HDAC9: variants seen among roughly 807,000 people sequenced by gnomAD.
HDAC9 encodes the protein histone deacetylase 9, also known as MEF-2 interacting transcription repressor (MITR) protein.
Under a neutral mutation model 139.4 loss-of-function variants are expected in HDAC9, and 41 were observed. The ratio of observed to expected loss-of-function variants is 0.29; its 90% CI spans 0.23 to 0.38. HDAC9 has a LOEUF of 0.38. HDAC9 is among the 10% of genes least tolerant of loss of function. HDAC9 has a pLI of 1.00. For missense variants in HDAC9, 1,147 were observed against 1,297.0 expected (o/e 0.88, Z 1.78); for synonymous variants, 517 against 476.2 (o/e 1.09, Z -1.12).
At chr7:18,157,803 A>C (rs13312026) in intron 1 of HDAC9, among the ~76,000 whole-genome samples, 1 of 68,890 alleles carries the variant, frequency 1.5e-5, no homozygotes. Flanking sequence ...GTTCTAAGGC[A>C]TGAGAGAGAG....
At position 18,266,043 on chromosome 7, in the gene HDAC9, G is replaced by T. The variant is rs71524239; in HGVS notation, c.25+103694G>T. ...ACATTAAAATTTGTTGGTCTATCTT[G>T]CACTTTGAATGGGCTTTTTAACCAT... On this transcript the variant is annotated intron_variant, in intron 2 of 12. Coordinates refer to the HDAC9 transcript ENST00000417496. Among the ~76,000 whole-genome samples, 1,203 of 152,136 alleles carry T rather than the reference G, an allele frequency of 7.9e-3. 5 individuals are homozygous for T. The highest frequency in any genetic ancestry group is 0.014 in the Non-Finnish European group (931 of 67,956).
intron 11 of HDAC9, among the ~76,000 whole-genome samples, chr7:18,658,899 CAAAAA>C (rs11306117): frequency 8.5e-6 from 1 of 118,158 alleles, no homozygotes; most frequent in African/African-American, 2.8e-5. Flanking sequence ...AAAAAAAAAG[CAAAAA>C]AAAAAAAAAC....
chr7:18,615,530 A>G (rs1038959729), intron 6 of HDAC9, among the ~76,000 whole-genome samples: 2 of 152,226 alleles, frequency 1.3e-5, no homozygotes, highest in African/African-American at 4.8e-5. Flanking sequence ...GAAATAAATT[A>G]TACTTTTTGT....
intron 2 of HDAC9, among the ~76,000 whole-genome samples, chr7:18,236,123 A>G (rs1013189569): frequency 2.0e-5 from 3 of 152,174 alleles, no homozygotes; most frequent in Non-Finnish European, 4.4e-5. Flanking sequence ...AAGACCAATG[A>G]GGAGCTAATG....
At chr7:18,474,849 G>C (rs907315090) in intron 1 of HDAC9, among the ~76,000 whole-genome samples, 3 of 152,014 alleles carry the variant, frequency 2.0e-5, no homozygotes, top group Non-Finnish European at 4.4e-5. Flanking sequence ...GAGGAGAAGG[G>C]TGGAAAGGGG....
At chr7:18,450,412 G>A (rs186579488) in intron 1 of HDAC9, among the ~76,000 whole-genome samples, 2 of 152,218 alleles carry the variant, frequency 1.3e-5, no homozygotes, top group East Asian at 3.9e-4. Flanking sequence ...TTTGGCAAAG[G>A]GTAGACAAGG....
At chr7:18,394,456 A>G (rs758527265) in intron 1 of HDAC9, among the ~76,000 whole-genome samples, 4 of 152,092 alleles carry the variant, frequency 2.6e-5, no homozygotes, top group Non-Finnish European at 5.9e-5. Flanking sequence ...TACACTTCCT[A>G]GGAGTGCTTC....
At chr7:18,919,527 C>T (rs1346055400) in intron 22 of HDAC9, among the ~76,000 whole-genome samples, 1 of 151,908 alleles carries the variant, frequency 6.6e-6, no homozygotes, top group African/African-American at 2.4e-5. Context: ...ATGTGTCTCC[C>T]AAATCTACAG....
At chr7:18,255,417 C>CATA (rs1211794398) in intron 2 of HDAC9, among the ~76,000 whole-genome samples, 4 of 152,016 alleles carry the variant, frequency 2.6e-5, no homozygotes, top group Admixed American at 2.6e-4. Context: ...ATGTGACAGC[C>CATA]ATAAGTCAGA....
rs917429453 is a variant in HDAC9 at position 18,489,236 on chromosome 7, A to C, written c.-41-7026A>C. On this transcript the variant is annotated intron_variant, in intron 1 of 3. Coordinates refer to the HDAC9 transcript ENST00000413509. ...ATGAACTATTTTTTCAAGTTGATGC[A>C]TGAAACTTTTTATAACTCTGAGTAA... is the stretch of plus-strand genomic sequence containing the variant. Among the ~76,000 whole-genome samples, 4 of 152,044 alleles carry C rather than the reference A, an allele frequency of 2.6e-5. No homozygotes were observed. The East Asian group carries it at 5.8e-4, about 22-fold the overall frequency.
chr7:18,217,739 C>T (rs894266259), intron 2 of HDAC9, among the ~76,000 whole-genome samples: 5 of 152,154 alleles, frequency 3.3e-5, no homozygotes, highest in Non-Finnish European at 7.4e-5. Flanking sequence ...ATTTTAAAAG[C>T]AGTACAAGTT....
intron 2 of HDAC9, among the ~76,000 whole-genome samples, chr7:18,532,335 A>G (rs960690978): frequency 5.9e-5 from 9 of 152,214 alleles, no homozygotes; most frequent in African/African-American, 1.7e-4. Flanking sequence ...TTGGCCATCC[A>G]GGAACACTGT....
At chr7:18,273,335 C>T (rs1035982198) in intron 2 of HDAC9, among the ~76,000 whole-genome samples, 4 of 151,992 alleles carry the variant, frequency 2.6e-5, no homozygotes, top group African/African-American at 9.7e-5. Flanking sequence ...TCCCAAAGTG[C>T]TGGGAGTACA....
At chr7:18,767,338 A>G (rs982055333) in intron 16 of HDAC9, among the ~76,000 whole-genome samples, 183 bp downstream of exon 16, 1 of 152,214 alleles carries the variant, frequency 6.6e-6, no homozygotes, top group East Asian at 1.9e-4. Context: ...TTAAAAATAA[A>G]TTCTTAAGAA....
intron 19 of HDAC9, among the ~76,000 whole-genome samples, chr7:18,834,324 T>G (rs928625850): frequency 6.6e-6 from 1 of 151,316 alleles, no homozygotes; most frequent in Non-Finnish European, 1.5e-5. Context: ...TATCCACTTT[T>G]GGAGTGGCTC....
chr7:18,391,239 T>A (rs1200921215), intron 1 of HDAC9, among the ~76,000 whole-genome samples: 1 of 144,574 alleles, frequency 6.9e-6, no homozygotes, highest in Non-Finnish European at 1.5e-5. Context: ...ACAAAAATTA[T>A]CCGGGCATGG....
chr7:18,279,973 AT>A (rs1280804798), intron 2 of HDAC9, among the ~76,000 whole-genome samples: 1 of 152,244 alleles, frequency 6.6e-6, no homozygotes, highest in Non-Finnish European at 1.5e-5. Context: ...ATGTAAAAAA[AT>A]AACTGAATTA....
intron 12 of HDAC9, among the ~76,000 whole-genome samples, chr7:18,679,539 CCTTT>C (rs958981102): frequency 2.8e-5 from 4 of 143,524 alleles, no homozygotes; most frequent in Non-Finnish European, 4.7e-5. Context: ...TTCCTTTCTT[CCTTT>C]CTTTCTTTTT....
Position 18,667,453 on chromosome 7 carries a change from T to C in HDAC9, c.1731+977T>C, listed in dbSNP as rs1562828276. ...GCATATACCGTAACATTCTGGCAAA[T>C]AACAATTAGAAAAGATAGGTTTAAC... On this transcript the variant is annotated intron_variant, in intron 12 of 25. Transcript: ENST00000686413. The C allele has an allele frequency of 4.1e-6, 4 of 984,322 alleles. No individual in the cohort carries two copies. The South Asian group carries it at 1.9e-4, about 46-fold the overall frequency. 61.0% of individuals were successfully genotyped at this position (984,322 alleles called of 1,614,324 possible).
Sources: gnomAD v4.1 joint callset for allele counts (sites outside exome capture counted in the v4.1 genomes callset) on GRCh38, gnomAD v4.1.1 for gene constraint, MANE v1.5 for transcripts, NCBI Gene and HGNC (gene_info 2026-07-23, HGNC 2026-07-21) for gene names.